The following WDPCP variants were observed in gnomAD, a reference collection of about 807,000 sequenced individuals.
WDPCP encodes WD repeat-containing and planar cell polarity effector protein fritz homolog.
WDPCP carries 71 observed loss-of-function variants against 93.1 expected under a neutral mutation model. The observed-to-expected ratio is 0.76, with a 90% CI of 0.63 to 0.93. WDPCP has a LOEUF of 0.93. WDPCP is among the 40% of genes least tolerant of loss of function. The pLI, the probability that WDPCP is intolerant of heterozygous loss-of-function variation, is 0.00. For synonymous variants in WDPCP, 315 were observed against 315.0 expected (o/e 1.00, Z 0.00); for missense variants, 844 against 887.4 (o/e 0.95, Z 0.62).
intron 2 of WDPCP, among the ~76,000 whole-genome samples, chr2:63,697,488 G>C (rs899061277): frequency 1.3e-5 from 2 of 152,080 alleles, no homozygotes; most frequent in African/African-American, 2.4e-5. Flanking sequence ...TTCCAATTCC[G>C]TATCAAGCAC....
At chr2:63,331,386 T>A (rs1687965052) in intron 12 of WDPCP, among the ~76,000 whole-genome samples, 1 of 152,212 alleles carries the variant, frequency 6.6e-6, no homozygotes, top group African/African-American at 2.4e-5. Context: ...ATCTTTAAAG[T>A]CTGTTTTACT....
intron 13 of WDPCP, among the ~76,000 whole-genome samples, chr2:63,311,772 C>T (rs1431954822): frequency 6.6e-6 from 1 of 152,070 alleles, no homozygotes; most frequent in Non-Finnish European, 1.5e-5. Context: ...TTAGAAGGTG[C>T]CTTTCGTGAT....
intron 2 of WDPCP, among the ~76,000 whole-genome samples, chr2:63,759,714 G>A (rs1237908969): frequency 1.3e-5 from 2 of 152,154 alleles, no homozygotes; most frequent in Non-Finnish European, 2.9e-5. Context: ...CTAAACCAAC[G>A]TTTTGCCCAC....
At chr2:63,839,026 G>C in the WDPCP span, among the ~76,000 whole-genome samples, 1 of 152,236 alleles carries the variant, frequency 6.6e-6, no homozygotes, top group Non-Finnish European at 1.5e-5. Flanking sequence ...TAGTGACTGA[G>C]TAGTTACAGA....
At chr2:63,460,531 A>G (rs1305159418) in intron 6 of WDPCP, among the ~76,000 whole-genome samples, 1 of 152,224 alleles carries the variant, frequency 6.6e-6, no homozygotes, top group African/African-American at 2.4e-5. Flanking sequence ...AGACATCCCA[A>G]TTACTCACAC....
At chr2:63,705,864 G>C (rs1345351698) in intron 2 of WDPCP, among the ~76,000 whole-genome samples, 1 of 151,882 alleles carries the variant, frequency 6.6e-6, no homozygotes, top group Non-Finnish European at 1.5e-5. Context: ...TTAACTTTCT[G>C]TCTTGTTGAT....
intron 2 of WDPCP, among the ~76,000 whole-genome samples, chr2:63,792,802 T>C (rs1670563354): frequency 6.6e-6 from 1 of 151,948 alleles, no homozygotes; most frequent in African/African-American, 2.4e-5. Context: ...ACCTGAGGGC[T>C]ATGAGTAGCA....
intron 1 of WDPCP, among the ~76,000 whole-genome samples, chr2:63,513,847 T>G (rs549170623): frequency 7.2e-5 from 11 of 152,288 alleles, no homozygotes; most frequent in African/African-American, 2.6e-4. Context: ...AAATAGACAG[T>G]TTTCCCTGGA....
chr2:63,324,979 T>G (rs765847664), intron 12 of WDPCP, among the ~76,000 whole-genome samples: 1 of 152,196 alleles, frequency 6.6e-6, no homozygotes, highest in African/African-American at 2.4e-5. Flanking sequence ...TGAGGGTCAA[T>G]TGATTCTAAA....
At chr2:63,175,610 T>G (rs1673749020) in intron 14 of WDPCP, among the ~76,000 whole-genome samples, 3 of 152,216 alleles carry the variant, frequency 2.0e-5, no homozygotes, top group African/African-American at 7.2e-5. Flanking sequence ...CTCTCCCAGT[T>G]TGATAACCAA....
intron 2 of WDPCP, among the ~76,000 whole-genome samples, chr2:63,802,096 C>G (rs1670704152): frequency 6.6e-6 from 1 of 151,896 alleles, no homozygotes; most frequent in African/African-American, 2.4e-5. Context: ...ATTGCATCTC[C>G]TCTATTTTTT....
chr2:63,785,397 G>A (rs1182580027), intron 2 of WDPCP, among the ~76,000 whole-genome samples: 1 of 151,882 alleles, frequency 6.6e-6, no homozygotes, highest in African/African-American at 2.4e-5. Context: ...ATTGAAGAAG[G>A]GTAGTGTCAT....
At chr2:63,388,949 A>C (rs1037056453) in intron 10 of WDPCP, among the ~76,000 whole-genome samples, 2 of 152,204 alleles carry the variant, frequency 1.3e-5, no homozygotes, top group African/African-American at 4.8e-5. Flanking sequence ...TGATGGGGAG[A>C]ATGGAACCAA....
chr2:63,459,337 A>G (rs1365363015), intron 6 of WDPCP, among the ~76,000 whole-genome samples: 1 of 152,156 alleles, frequency 6.6e-6, no homozygotes, highest in Non-Finnish European at 1.5e-5. Flanking sequence ...GACTACTAAT[A>G]CCCAGCACAT....
At chr2:63,154,405 A>T (rs929747558) in intron 15 of WDPCP, among the ~76,000 whole-genome samples, 6 of 152,160 alleles carry the variant, frequency 3.9e-5, no homozygotes, top group South Asian at 2.1e-4. Flanking sequence ...ATTATACCAT[A>T]TAAACTTTTG....
chr2:63,383,698 G>T (rs187690733), intron 10 of WDPCP, among the ~76,000 whole-genome samples: 1 of 152,130 alleles, frequency 6.6e-6, no homozygotes, highest in African/African-American at 2.4e-5. Flanking sequence ...GGGTGACAGA[G>T]TGAGACTCTG....
At chr2:63,272,796 A>G (rs1682762661) in intron 13 of WDPCP, among the ~76,000 whole-genome samples, 1 of 152,248 alleles carries the variant, frequency 6.6e-6, no homozygotes, top group Non-Finnish European at 1.5e-5. Context: ...AGAGTCCCAG[A>G]AGGCGACAAT....
chr2:63,721,165 C>A (rs1558894213), intron 2 of WDPCP, among the ~76,000 whole-genome samples: 1 of 152,240 alleles, frequency 6.6e-6, no homozygotes, highest in Non-Finnish European at 1.5e-5. Context: ...GGAAAATTGG[C>A]ATGACTGCAT....
chr2:63,701,097 C>T (rs1669042812), intron 2 of WDPCP, among the ~76,000 whole-genome samples: 1 of 152,160 alleles, frequency 6.6e-6, no homozygotes, highest in Non-Finnish European at 1.5e-5. Flanking sequence ...TATTTGCAAA[C>T]TGCTCATCTG....
Sources: allele counts gnomAD v4.1 joint callset (sites outside exome capture counted in the v4.1 genomes callset), GRCh38; gene constraint gnomAD v4.1.1; transcripts MANE v1.5; gene names NCBI Gene and HGNC (gene_info 2026-07-23, HGNC 2026-07-21).